AKAP13: variants seen among roughly 807,000 people sequenced by gnomAD.
AKAP13 encodes the protein A-kinase anchoring protein 13.
A neutral mutation model predicts 264.5 loss-of-function variants in AKAP13; 80 were observed. The observed-to-expected ratio is 0.30, with a 90% CI of 0.25 to 0.36. The LOEUF is 0.36. AKAP13 is among the 10% of genes least tolerant of loss of function. The probability of loss-of-function intolerance (pLI) is 1.00; values close to 1 mark genes in which losing one functional copy is unlikely to be tolerated. For synonymous variants in AKAP13, 1,380 were observed against 1,250.2 expected (o/e 1.10, Z -2.19); for missense variants, 3,712 against 3,435.2 (o/e 1.08, Z -2.01).
rs757387514 is a variant in AKAP13 at position 85,582,149 on chromosome 15, A to G, written c.4039+42A>G. 15 of 1,532,262 alleles carry G rather than the reference A, an allele frequency of 9.8e-6. No individual in the cohort carries two copies. The African/African-American group carries it at 1.8e-4, about 18-fold the overall frequency. 94.9% of individuals were successfully genotyped at this position (1,532,262 alleles called of 1,614,324 possible). ...ACAAAATTAACAGTCTGAGAAGCAG[A>G]TTCCCTTAAGAGTCACTGTGGTGTC... On this transcript the variant is annotated intron_variant, in intron 7 of 36. Coordinates refer to ENST00000394518, the MANE Select transcript of AKAP13 (RefSeq NM_007200.5).
At position 85,423,944 on chromosome 15, in the gene AKAP13, C is replaced by A. The variant is rs77531957; in HGVS notation, c.-12+43146C>A. ...GTGACCCAGGTGCATTGTGAGTGAG[C>A]AGGAGTCTTTTTTTTCTGGGCAGTA... On this transcript the variant is annotated intron_variant, in intron 1 of 36. Transcript: ENST00000394518. Among the ~76,000 whole-genome samples the A allele has an allele frequency of 1.6e-3, 246 of 152,278 alleles. 1 individual carries two copies. In the East Asian group the frequency reaches 0.024, roughly 15 times the overall value.
chr15:85,546,093 T>C (rs1209212529), intron 5 of AKAP13, among the ~76,000 whole-genome samples: 3 of 152,174 alleles, frequency 2.0e-5, no homozygotes, highest in Non-Finnish European at 4.4e-5. Flanking sequence ...TTTCTGTGTC[T>C]GTCTTTTACA....
intron 3 of AKAP13, among the ~76,000 whole-genome samples, chr15:85,531,364 G>A (rs1239117217): frequency 3.3e-5 from 5 of 152,202 alleles, no homozygotes; most frequent in Non-Finnish European, 7.3e-5. Context: ...AATCTCTGGG[G>A]AGTTGAGACT....
At chr15:85,454,727 C>T (rs948249058) in intron 1 of AKAP13, among the ~76,000 whole-genome samples, 1 of 152,098 alleles carries the variant, frequency 6.6e-6, no homozygotes, top group Non-Finnish European at 1.5e-5. Context: ...TTAGTATATC[C>T]AGAGAGTTGT....
intron 1 of AKAP13, among the ~76,000 whole-genome samples, chr15:85,439,231 A>G (rs1356054176): frequency 2.0e-4 from 30 of 149,616 alleles, no homozygotes; most frequent in Non-Finnish European, 3.6e-4. Context: ...GCTCATCATC[A>G]CTGGCCATCA....
intron 13 of AKAP13, 151 bp downstream of exon 13, chr15:85,664,906 C>A: frequency 1.3e-6 from 1 of 751,546 alleles, no homozygotes; most frequent in Non-Finnish European, 2.0e-6. Flanking sequence ...GTGTTTAGCA[C>A]CTAATTAAAA....
In AKAP13 at chr15:85,698,581, G is replaced by C. The variant is rs112132041; in HGVS notation, c.5464+5130G>C. Among the ~76,000 whole-genome samples, 111 of 152,030 alleles carry C rather than the reference G, an allele frequency of 7.3e-4. 2 individuals carry two copies. Among genetic ancestry groups the C allele is most frequent in the South Asian group, 2.7e-3 (13 of 4,818 alleles). ...TTGCAGCCCATCAGGTCTTTGTCAT[G>C]ACTACTGGACTCTGTCCTTGTAGCA... On this transcript the variant is annotated intron_variant, in intron 17 of 36. Coordinates refer to ENST00000394518, the MANE Select transcript of AKAP13 (RefSeq NM_007200.5).
At position 85,727,514 on chromosome 15, in the gene AKAP13, C is replaced by G. The variant is rs773701189; in HGVS notation, c.7087+51C>G. The G allele has an allele frequency of 6.3e-7, 1 of 1,592,662 alleles. No individual in the cohort carries two copies. Among genetic ancestry groups the G allele is most frequent in the Non-Finnish European group, 8.6e-7 (1 of 1,162,358 alleles). On this transcript the variant is annotated intron_variant, in intron 29 of 36. Transcript: ENST00000394518. The surrounding 1 kb of genome is among the most constrained non-coding windows in gnomAD (Gnocchi z 5.3). The stretch of plus-strand genomic sequence containing the variant: ...CCCTTGTCTGGAATGTCTGCAGTTG[C>G]AGAAGACTGCTGGTGGATTTTAGAG...
At chr15:85,423,222 G>C (rs905594579) in intron 1 of AKAP13, among the ~76,000 whole-genome samples, 2 of 152,192 alleles carry the variant, frequency 1.3e-5, no homozygotes, top group African/African-American at 4.8e-5. Flanking sequence ...GAAGTTTGCT[G>C]CATTGATTGA....
chr15:85,720,714 C>T (rs972115604), intron 23 of AKAP13, among the ~76,000 whole-genome samples: 1 of 152,174 alleles, frequency 6.6e-6, no homozygotes, highest in South Asian at 2.1e-4. Context: ...GAACATTTGT[C>T]TGAGAATTGT....
In AKAP13 at chr15:85,727,367, T is replaced by G; in HGVS notation, c.7005-14T>G. ...TTAGGAATTTTTTGTTCTGTCTTGT[T>G]TGGGTTGTATTAGGAACAGAGATGA... On this transcript the variant is annotated splice_polypyrimidine_tract_variant and intron_variant, in intron 28 of 36. Transcript: ENST00000394518. The surrounding 1 kb of genome is among the most constrained non-coding windows in gnomAD (Gnocchi z 5.3). 6.2e-7 allele frequency: 1 copy of G among 1,614,118 alleles called. No individual in the cohort carries two copies. Among genetic ancestry groups the G allele is most frequent in the African/African-American group, 1.3e-5 (1 of 75,042 alleles).
chr15:85,513,125 A>G (rs2076498324), intron 2 of AKAP13, among the ~76,000 whole-genome samples: 3 of 152,054 alleles, frequency 2.0e-5, no homozygotes, highest in Non-Finnish European at 4.4e-5. Context: ...TATTTTTGTA[A>G]TTTTAGTTTA....
chr15:85,539,568 A>G (rs1343726581), intron 4 of AKAP13, among the ~76,000 whole-genome samples: 1 of 152,200 alleles, frequency 6.6e-6, no homozygotes, highest in Non-Finnish European at 1.5e-5. Context: ...AACTTAGAAC[A>G]TTTTACTTAG....
intron 9 of AKAP13, among the ~76,000 whole-genome samples, chr15:85,643,038 A>G (rs1367761939): frequency 1.3e-5 from 2 of 151,410 alleles, no homozygotes; most frequent in East Asian, 3.9e-4. Flanking sequence ...AAAAACCTCC[A>G]GAATACCCAT....
At chr15:85,420,114 TG>T (rs1207567913) in intron 1 of AKAP13, among the ~76,000 whole-genome samples, 8 of 151,936 alleles carry the variant, frequency 5.3e-5, no homozygotes, top group Non-Finnish European at 1.2e-4. Context: ...GCTAATTTTT[TG>T]TATTTTTAGT....
At chr15:85,687,238 ACCT>A (rs1567195864) in intron 16 of AKAP13, among the ~76,000 whole-genome samples, 1 of 151,726 alleles carries the variant, frequency 6.6e-6, no homozygotes, top group Non-Finnish European at 1.5e-5. Context: ...ACCTCACACA[ACCT>A]CCTGTTATCT....
intron 1 of AKAP13, among the ~76,000 whole-genome samples, chr15:85,435,803 G>C (rs1369358474): frequency 3.4e-5 from 5 of 149,010 alleles, no homozygotes; most frequent in Non-Finnish European, 6.0e-5. Context: ...CCCTAAAAGA[G>C]CTCCTGAAGG....
intron 7 of AKAP13, among the ~76,000 whole-genome samples, chr15:85,583,576 G>A (rs1191199569): frequency 3.9e-5 from 6 of 152,206 alleles, no homozygotes. Context: ...CATTTCAGAA[G>A]AATGGGAGTG....
At chr15:85,442,639 C>A (rs1444349662) in intron 1 of AKAP13, among the ~76,000 whole-genome samples, 1 of 149,350 alleles carries the variant, frequency 6.7e-6, no homozygotes, top group African/African-American at 2.5e-5. Context: ...AAAACTAAAA[C>A]ATGTTTATTA....
Sources: gnomAD v4.1 joint callset for allele counts (sites outside exome capture counted in the v4.1 genomes callset) on GRCh38, gnomAD v4.1.1 for gene constraint, Gnocchi (gnomAD v3.1) non-coding constraint, MANE v1.5 for transcripts, NCBI Gene and HGNC (gene_info 2026-07-23, HGNC 2026-07-21) for gene names.